Variants in C1GALT1 observed in about 807,000 individuals in gnomAD.
C1GALT1 encodes glycoprotein-N-acetylgalactosamine 3-beta-galactosyltransferase 1.
In C1GALT1, 11 loss-of-function variants were observed where a neutral mutation model predicts 31.0. The ratio of observed to expected loss-of-function variants is 0.36; its 90% CI spans 0.22 to 0.59. The LOEUF is 0.59. Ranked by LOEUF, C1GALT1 falls within the 20% of genes least tolerant of loss-of-function variation. The pLI, the probability that C1GALT1 is intolerant of heterozygous loss-of-function variation, is 0.79. For missense variants in C1GALT1, 424 were observed against 425.2 expected (o/e 1.00, Z 0.03); for synonymous variants, 175 against 143.6 (o/e 1.22, Z -1.56).
intron 1 of C1GALT1, among the ~76,000 whole-genome samples, chr7:7,212,103 G>A (rs1782031511): frequency 6.6e-6 from 1 of 152,156 alleles, no homozygotes; most frequent in African/African-American, 2.4e-5. Flanking sequence ...GTTCCACAAG[G>A]AATCTTAGAT....
chr7:7,209,114 G>C (rs748381841), intron 1 of C1GALT1, among the ~76,000 whole-genome samples: 2 of 152,014 alleles, frequency 1.3e-5, no homozygotes, highest in Non-Finnish European at 1.5e-5. Context: ...CCATTTACTC[G>C]TTTTATTTTA....
chr7:7,239,320 G>T (rs1458768832), intron 3 of C1GALT1, among the ~76,000 whole-genome samples: 1 of 152,204 alleles, frequency 6.6e-6, no homozygotes, highest in Non-Finnish European at 1.5e-5. Flanking sequence ...AGAGTGGGAT[G>T]GAGTCCTCTG....
intron 3 of C1GALT1, among the ~76,000 whole-genome samples, chr7:7,240,690 T>G (rs1177054104): frequency 6.6e-6 from 1 of 152,148 alleles, no homozygotes; most frequent in Non-Finnish European, 1.5e-5. Context: ...TTTATCAAAT[T>G]ATGTTGAAGA....
intron 1 of C1GALT1, among the ~76,000 whole-genome samples, chr7:7,203,456 G>GT (rs200138864): frequency 3.3e-5 from 5 of 150,992 alleles, no homozygotes; most frequent in African/African-American, 7.3e-5. Flanking sequence ...ACCATGTAGG[G>GT]TTTTTTTTTC....
intron 2 of C1GALT1, 155 bp downstream of exon 2, chr7:7,234,694 CAG>C (rs1490595997): frequency 3.4e-6 from 2 of 588,482 alleles, no homozygotes; most frequent in African/African-American, 3.8e-5. Flanking sequence ...TGCTAAAACT[CAG>C]ATTTATTTAG....
At chr7:7,186,107 C>T (rs1562559889) in intron 1 of C1GALT1, among the ~76,000 whole-genome samples, 1 of 152,152 alleles carries the variant, frequency 6.6e-6, no homozygotes, top group East Asian at 1.9e-4. Flanking sequence ...GCACAGGGCA[C>T]CACATGGTGA....
chr7:7,228,635 T>C (rs1263444371), intron 1 of C1GALT1, among the ~76,000 whole-genome samples: 1 of 152,136 alleles, frequency 6.6e-6, no homozygotes, highest in Non-Finnish European at 1.5e-5. Context: ...TTTACAGTTA[T>C]TTAGTCATAA....
At chr7:7,234,043 A>G (rs922266884) in intron 1 of C1GALT1, among the ~76,000 whole-genome samples, 1 of 152,166 alleles carries the variant, frequency 6.6e-6, no homozygotes, top group African/African-American at 2.4e-5. Context: ...CCTGGTGGGA[A>G]GAATAGGAAA....
Position 7,247,546 on chromosome 7 carries a change from A to G in C1GALT1, c.*3819A>G, listed in dbSNP as rs1465180248. ...AATTTGCTAACTGGTTATTTTCACA[A>G]TTTTCTTGAATATTAATTTTTCACT... On this transcript the variant is annotated 3_prime_UTR_variant, in exon 4 of 4. Coordinates refer to ENST00000436587, the MANE Select transcript of C1GALT1 (RefSeq NM_020156.5). 2.0e-5 allele frequency: 3 copies of G among 152,070 alleles called. No individual in the cohort carries two copies. Among genetic ancestry groups the G allele is most frequent in the Non-Finnish European group, 4.4e-5 (3 of 67,952 alleles). The allele number at this position is 152,070 out of a possible 1,614,324, so 9.4% of individuals were successfully genotyped here. A position where few individuals can be genotyped will look rare whatever the true frequency, so the allele number is the denominator to read the frequency against.
intron 1 of C1GALT1, among the ~76,000 whole-genome samples, chr7:7,224,457 GTGGGGGT>G (rs1782660358): frequency 2.0e-5 from 3 of 151,512 alleles, no homozygotes; most frequent in African/African-American, 7.3e-5. Flanking sequence ...GGAGATTTTT[GTGGGGGT>G]CAGGGGCGGG....
Position 7,238,271 on chromosome 7 carries a change from T to A in C1GALT1, c.237T>A (p.Ile79=). ...GTTTAATAGATGAGAACACAGACAT[T>A]GCTGAAAACCTCTATCAGAAAGTTA... ...SSQHKDENTD[I]AENLYQKVRI... The change falls in exon 3 of 4, where the codon ATT becomes ATA. Residue 79 remains isoleucine (I), a synonymous_variant. Transcript: ENST00000436587. This position sits in a 1 kb window ranked among gnomAD's most constrained non-coding sequence, Gnocchi z 5.2. 6.2e-7 allele frequency: 1 copy of A among 1,600,620 alleles called. No individual in the cohort carries two copies.
intron 1 of C1GALT1, chr7:7,210,682 C>T (rs939528264): frequency 6.6e-6 from 1 of 152,114 alleles, no homozygotes; most frequent in African/African-American, 2.4e-5. Flanking sequence ...CTGGCTCTTC[C>T]ACCCTGGTCT....
At chr7:7,180,964 T>G (rs1756406060), upstream of C1GALT1, among the ~76,000 whole-genome samples, 1 of 152,118 alleles carries the variant, frequency 6.6e-6, no homozygotes, top group Non-Finnish European at 1.5e-5. Flanking sequence ...CAGGGCTGAT[T>G]TGGTCCAGTA....
intron 2 of C1GALT1, among the ~76,000 whole-genome samples, chr7:7,176,677 T>G (rs957175179): frequency 6.6e-6 from 1 of 152,220 alleles, no homozygotes; most frequent in Non-Finnish European, 1.5e-5. Context: ...CTAGACTTTT[T>G]TTCTTTATTT....
Position 7,163,306 on chromosome 7 carries a change from G to A in C1GALT1, c.-18+5880G>A, listed in dbSNP as rs1277039868. ...TTAATTTTTGTATAAAGTATTGATG[G>A]GATGTATCTCAAAATAATAAGAGCT... On this transcript the variant is annotated intron_variant, in intron 2 of 3. Coordinates refer to the C1GALT1 transcript ENST00000429911. Among the ~76,000 whole-genome samples, 3 of 151,908 alleles carry A rather than the reference G, an allele frequency of 2.0e-5. No homozygotes were observed. The East Asian group carries it at 5.8e-4, about 29-fold the overall frequency.
chr7:7,220,573 A>G (rs58096502), intron 1 of C1GALT1, among the ~76,000 whole-genome samples: 33,977 of 152,006 alleles, frequency 0.22, 4,463 homozygotes, highest in East Asian at 0.55. Flanking sequence ...GCTGGAGTGC[A>G]GTGGTGTGAT....
chr7:7,187,387 C>A (rs1365684523), intron 1 of C1GALT1, among the ~76,000 whole-genome samples: 2 of 151,830 alleles, frequency 1.3e-5, no homozygotes, highest in African/African-American at 4.8e-5. Flanking sequence ...GTAGCTGGGA[C>A]TACAGGCACC....
intron 2 of C1GALT1, among the ~76,000 whole-genome samples, chr7:7,167,100 G>A (rs758980726): frequency 6.6e-6 from 1 of 152,192 alleles, no homozygotes; most frequent in Non-Finnish European, 1.5e-5. Flanking sequence ...GTCTGGAAAA[G>A]TCACTCTGGG....
At chr7:7,187,729 T>TGTTG (rs1780884284) in intron 1 of C1GALT1, among the ~76,000 whole-genome samples, 1 of 151,962 alleles carries the variant, frequency 6.6e-6, no homozygotes, top group South Asian at 2.1e-4. Flanking sequence ...GGGAAGCAAG[T>TGTTG]GTTGTAGTCA....
Sources: gnomAD v4.1 joint callset for allele counts (sites outside exome capture counted in the v4.1 genomes callset) on GRCh38, gnomAD v4.1.1 for gene constraint, Gnocchi (gnomAD v3.1) non-coding constraint, MANE v1.5 for transcripts, NCBI Gene and HGNC (gene_info 2026-07-23, HGNC 2026-07-21) for gene names.